Variants in KLC1 observed in about 807,000 individuals in gnomAD.
KLC1 encodes kinesin 2 60/70kDa.
A neutral mutation model predicts 84.2 loss-of-function variants in KLC1; 30 were observed. The observed-to-expected ratio is 0.36, with a 90% CI of 0.27 to 0.48. The LOEUF is 0.48. Ranked by LOEUF, KLC1 falls within the 20% of genes least tolerant of loss-of-function variation. KLC1 has a pLI of 0.99. For missense variants in KLC1, 499 were observed against 805.4 expected, an observed-to-expected ratio of 0.62 and a Z score of 4.60; for synonymous variants, 289 against 293.3, an observed-to-expected ratio of 0.99 and a Z score of 0.15.
At chr14:103,635,827 G>T (rs1337927229) in intron 1 of KLC1, among the ~76,000 whole-genome samples, 4 of 151,894 alleles carry the variant, frequency 2.6e-5, no homozygotes, top group African/African-American at 9.7e-5. Context: ...GGTGAGAGAG[G>T]GGAAGTTTCA....
At chr14:103,645,014 C>T (rs2077795802) in intron 1 of KLC1, among the ~76,000 whole-genome samples, 1 of 151,758 alleles carries the variant, frequency 6.6e-6, no homozygotes, top group African/African-American at 2.4e-5. Context: ...TTTCTTGTTG[C>T]CCAGGCTGGA....
chr14:103,680,348 C>T (rs1291660913), intron 13 of KLC1, among the ~76,000 whole-genome samples: 1 of 150,828 alleles, frequency 6.6e-6, no homozygotes, highest in Non-Finnish European at 1.5e-5. Context: ...TTGAAGGCGG[C>T]ATTTGACTCA....
At chr14:103,661,290 T>G (rs2079268169) in intron 3 of KLC1, among the ~76,000 whole-genome samples, 1 of 152,180 alleles carries the variant, frequency 6.6e-6, no homozygotes, top group Admixed American at 6.6e-5. Flanking sequence ...AGTTCAGGGG[T>G]ACATCCTGCA....
In KLC1 at chr14:103,701,285, C is replaced by T. The variant is rs1474328251; in HGVS notation, c.*86C>T. On this transcript the variant is annotated 3_prime_UTR_variant, in exon 17 of 17. Coordinates refer to ENST00000334553, the MANE Select transcript of KLC1 (RefSeq NM_001394837.1). ...GGGACAGCCAGGGCGGCAGGGAGGG[C>T]CCCTGGCCGGGAGCCGCAGCGCTCA... 12 of 1,451,888 alleles carry T rather than the reference C, an allele frequency of 8.3e-6. No individual in the cohort carries two copies. The Admixed American group carries it at 1.2e-4, about 15-fold the overall frequency. The allele number at this position is 1,451,888 out of a possible 1,614,324, so 89.9% of individuals were successfully genotyped here.
At chr14:103,677,042 A>G (rs1454077851) in intron 11 of KLC1, among the ~76,000 whole-genome samples, 7 of 152,190 alleles carry the variant, frequency 4.6e-5, no homozygotes, top group African/African-American at 1.4e-4. Flanking sequence ...CATTCAGAGC[A>G]CTGTTCGTCG....
intron 1 of KLC1, among the ~76,000 whole-genome samples, chr14:103,635,865 C>T (rs2077005124): frequency 6.6e-6 from 1 of 152,094 alleles, no homozygotes; most frequent in Non-Finnish European, 1.5e-5. Flanking sequence ...GCTGTGAAGT[C>T]AAGATTCTAA....
intron 11 of KLC1, 128 bp downstream of exon 11, chr14:103,675,884 A>C: frequency 1.4e-6 from 1 of 710,884 alleles, no homozygotes; most frequent in East Asian, 2.7e-5. Flanking sequence ...GTTTTTCCCG[A>C]ATTCCAATTA....
intron 14 of KLC1, among the ~76,000 whole-genome samples, chr14:103,690,319 A>T (rs2082022746): frequency 6.6e-6 from 1 of 152,240 alleles, no homozygotes; most frequent in Non-Finnish European, 1.5e-5. Flanking sequence ...TTGGGACTCC[A>T]GCAATGTCTG....
At chr14:103,670,774 C>G (rs1406611092) in intron 7 of KLC1, among the ~76,000 whole-genome samples, 2 of 151,838 alleles carry the variant, frequency 1.3e-5, no homozygotes, top group African/African-American at 2.4e-5. Context: ...TTGGCCCATA[C>G]AAATCAGTGT....
At chr14:103,697,410 C>T (rs2151891142) in intron 15 of KLC1, among the ~76,000 whole-genome samples, 1 of 152,304 alleles carries the variant, frequency 6.6e-6, no homozygotes, top group South Asian at 2.1e-4. Flanking sequence ...CAGGCTCACC[C>T]TGGGCACATA....
intron 3 of KLC1, among the ~76,000 whole-genome samples, chr14:103,660,416 G>C (rs1320750675): frequency 6.6e-6 from 1 of 151,644 alleles, no homozygotes; most frequent in Non-Finnish European, 1.5e-5. Flanking sequence ...AGGAGATGGA[G>C]GTTGCAGTGA....
At position 103,673,708 on chromosome 14, in the gene KLC1, G is replaced by A. The variant is rs1484840077; in HGVS notation, c.1261+277G>A. Among the ~76,000 whole-genome samples, 6 of 152,248 alleles carry A rather than the reference G, an allele frequency of 3.9e-5. No individual in the cohort carries two copies. The East Asian group carries it at 1.2e-3, about 29-fold the overall frequency. On this transcript the variant is annotated intron_variant, in intron 9 of 16. Transcript: ENST00000334553. ...GGAGGCCGAGGTGGGTGGATCACGA[G>A]GTCAGGCGATCGAGACCATCCTGGC... is the stretch of plus-strand genomic sequence containing the variant.
Position 103,670,216 on chromosome 14 carries a change from A to G in KLC1, c.920A>G (p.Tyr307Cys), listed in dbSNP as rs1384106466. The G allele has an allele frequency of 1.2e-6, 2 of 1,613,346 alleles. No homozygotes were observed. The highest frequency in any genetic ancestry group is 1.7e-5 in the Admixed American group (1 of 59,966). Residue 307 changes from tyrosine (Y) to cysteine (C), a missense_variant, in exon 7 of 17, where the codon TAT becomes TGT. Around this residue, in one of 3 missense-constraint regions of KLC1, gnomAD observed 153 missense variants for 332.4 expected, o/e 0.46. Transcript: ENST00000334553. ...AATLNNLAVL[Y>C]GKRGKYKEAE... is the part of the protein sequence containing the mutation. ...ACTTTGAATAACCTTGCAGTCCTTT[A>G]TGGTAAAAGAGGGAAGTACAAAGAA...
intron 13 of KLC1, chr14:103,683,521 T>C (rs976366017): frequency 6.6e-6 from 1 of 152,266 alleles, no homozygotes; most frequent in Non-Finnish European, 1.5e-5. Context: ...CATGGTGTGA[T>C]GTGCATGTGT....
chr14:103,696,323 C>T (rs1175695629), intron 15 of KLC1: 6 of 985,082 alleles, frequency 6.1e-6, no homozygotes, highest in South Asian at 4.7e-5. Context: ...GCGGGTGGCA[C>T]GGGGCACTCT....
intron 5 of KLC1, among the ~76,000 whole-genome samples, chr14:103,668,866 C>T (rs1019069719): frequency 6.6e-6 from 1 of 151,966 alleles, no homozygotes; most frequent in African/African-American, 2.4e-5. Flanking sequence ...CAAGCTCCAC[C>T]TCCCAGGTTC....
chr14:103,666,522 C>G (rs1299093808), intron 5 of KLC1, among the ~76,000 whole-genome samples: 2 of 152,102 alleles, frequency 1.3e-5, no homozygotes, highest in Non-Finnish European at 2.9e-5. Flanking sequence ...AGAACCACTG[C>G]TAACTAATAG....
rs1303269490 is a variant in KLC1 at position 103,701,217 on chromosome 14, C to G, written c.*18C>G. 1.3e-6 allele frequency: 2 copies of G among 1,550,444 alleles called. No individual in the cohort carries two copies. The highest frequency in any genetic ancestry group is 1.7e-6 in the Non-Finnish European group (2 of 1,146,374). ...CTCTTGCAGTGACCCCGACCTGGCC[C>G]CGCTCCAGGATGGGACTGCCGAGTG... On this transcript the variant is annotated 3_prime_UTR_variant, in exon 17 of 17. Transcript: ENST00000334553.
At chr14:103,633,184 A>G (rs976376350) in intron 1 of KLC1, among the ~76,000 whole-genome samples, 2 of 151,804 alleles carry the variant, frequency 1.3e-5, no homozygotes, top group African/African-American at 2.4e-5. Context: ...CAGCCTCCCG[A>G]GTAGCTGGGA....
Sources: gnomAD v4.1 joint callset for allele counts (sites outside exome capture counted in the v4.1 genomes callset) on GRCh38, gnomAD v4.1.1 for gene constraint, gnomAD v4.1.1 regional missense constraint, MANE v1.5 for transcripts, NCBI Gene and HGNC (gene_info 2026-07-23, HGNC 2026-07-21) for gene names.